The following DNAJC27 variants were observed in gnomAD, a reference collection of about 807,000 sequenced individuals.
DNAJC27 encodes DnaJ heat shock protein family (Hsp40) member C27.
A neutral mutation model predicts 31.4 loss-of-function variants in DNAJC27; 25 were observed. The observed-to-expected ratio is 0.80, with a 90% CI of 0.58 to 1.11. The LOEUF (loss-of-function observed/expected upper bound fraction) is 1.11, where lower values mean the gene tolerates loss of function less well. DNAJC27 is among the 50% of genes most tolerant of loss of function. The probability of loss-of-function intolerance (pLI) is 0.00; values close to 1 mark genes in which losing one functional copy is unlikely to be tolerated. For synonymous variants in DNAJC27, 106 were observed against 112.7 expected (o/e 0.94, Z 0.37); for missense variants, 356 against 347.3 (o/e 1.02, Z -0.20).
chr2:24,951,632 A>G, intron 5 of DNAJC27, 78 bp from the exon 6 acceptor site: 2 of 1,296,494 alleles, frequency 1.5e-6, no homozygotes, highest in Non-Finnish European at 2.1e-6. Context: ...AACTTAAAAG[A>G]CTTTTAATAT....
Position 24,945,051 on chromosome 2 carries a change from G to A in DNAJC27, c.*2565C>T, listed in dbSNP as rs1172293. 14,736 of 152,144 alleles carry A rather than the reference G, an allele frequency of 0.097. 916 individuals carry two copies. The highest frequency in any genetic ancestry group is 0.25 in the East Asian group (1,277 of 5,180). 9.4% of individuals were successfully genotyped at this position (152,144 alleles called of 1,614,324 possible). On this transcript the variant is annotated 3_prime_UTR_variant, in exon 7 of 7. Transcript: ENST00000264711. Reference sequence around the variant, plus strand: ...TAACTGGCTGAAGAATTTTTAATAAGGTTGAACTACAAAGCACACATTTGC... The same window carrying A: ...TAACTGGCTGAAGAATTTTTAATAAAGTTGAACTACAAAGCACACATTTGC...
At chr2:24,949,591 T>C (rs994588252) in intron 6 of DNAJC27, among the ~76,000 whole-genome samples, 1 of 152,230 alleles carries the variant, frequency 6.6e-6, no homozygotes, top group African/African-American at 2.4e-5. Context: ...TTTTCCCAAA[T>C]GTACTTAGTG....
At chr2:24,952,247 G>A (rs1558551146) in intron 5 of DNAJC27, among the ~76,000 whole-genome samples, 1 of 152,132 alleles carries the variant, frequency 6.6e-6, no homozygotes, top group Non-Finnish European at 1.5e-5. Context: ...GGTAACCATT[G>A]TTAATTTTTT....
chr2:24,968,003 G>A (rs866353623), intron 1 of DNAJC27, among the ~76,000 whole-genome samples: 7 of 142,846 alleles, frequency 4.9e-5, no homozygotes, highest in South Asian at 2.2e-4. Context: ...AGTGAGCCAC[G>A]ATGATGCCAC....
At chr2:24,956,588 T>C (rs1161672494) in intron 5 of DNAJC27, among the ~76,000 whole-genome samples, 1 of 152,224 alleles carries the variant, frequency 6.6e-6, no homozygotes, top group Non-Finnish European at 1.5e-5. Context: ...AATGCTTCTA[T>C]CTGATTATGC....
At chr2:24,969,671 G>C (rs1211378215) in intron 1 of DNAJC27, among the ~76,000 whole-genome samples, 1 of 152,100 alleles carries the variant, frequency 6.6e-6, no homozygotes, top group Admixed American at 6.5e-5. Flanking sequence ...TAGAGATGGG[G>C]TTTCACCATG....
chr2:24,944,594 T>C lies in DNAJC27; in HGVS notation c.*3022A>G, dbSNP rs1273131367. 6.6e-6 allele frequency: 1 copy of C among 152,638 alleles called. No individual in the cohort carries two copies. Among genetic ancestry groups the C allele is most frequent in the South Asian group, 2.1e-4 (1 of 4,834 alleles). The allele number at this position is 152,638 out of a possible 1,614,324, so 9.5% of individuals were successfully genotyped here. ...GCCTTAAAGAATGATGTGCAATCTA[T>C]AAAACTGTAGCATTTTCTCTTGGGT... On this transcript the variant is annotated 3_prime_UTR_variant, in exon 7 of 7. Coordinates refer to ENST00000264711, the MANE Select transcript of DNAJC27 (RefSeq NM_016544.3).
intron 3 of DNAJC27, among the ~76,000 whole-genome samples, chr2:24,961,553 T>C (rs1666041596): frequency 6.6e-6 from 1 of 151,940 alleles, no homozygotes; most frequent in African/African-American, 2.4e-5. Flanking sequence ...GCATTCGCCA[T>C]TCTAGATGCC....
chr2:24,957,721 A>G, intron 4 of DNAJC27, 89 bp downstream of exon 4: 2 of 1,236,782 alleles, frequency 1.6e-6, no homozygotes, highest in Admixed American at 4.3e-5. Context: ...ATTACACAAT[A>G]AGGAATTTTT....
chr2:24,968,366 T>G (rs1666240798), intron 1 of DNAJC27, among the ~76,000 whole-genome samples: 1 of 152,206 alleles, frequency 6.6e-6, no homozygotes, highest in Non-Finnish European at 1.5e-5. Flanking sequence ...TTAAAATGCT[T>G]TACCTGTATA....
At chr2:24,959,542 C>T (rs1325489957) in intron 3 of DNAJC27, among the ~76,000 whole-genome samples, 1 of 152,300 alleles carries the variant, frequency 6.6e-6, no homozygotes, top group South Asian at 2.1e-4. Flanking sequence ...AAAGTTCCAA[C>T]TTTCTCAAAT....
At chr2:24,954,665 C>T (rs1046133948) in intron 5 of DNAJC27, among the ~76,000 whole-genome samples, 3 of 152,194 alleles carry the variant, frequency 2.0e-5, no homozygotes, top group Non-Finnish European at 2.9e-5. Flanking sequence ...AGGCTGGGTG[C>T]GGTGGCTCAT....
intron 5 of DNAJC27, among the ~76,000 whole-genome samples, chr2:24,955,711 A>AT (rs1665889569): frequency 6.6e-6 from 1 of 152,218 alleles, no homozygotes; most frequent in African/African-American, 2.4e-5. Flanking sequence ...ACAGAGATTA[A>AT]TAAGAGTCAG....
chr2:24,951,084 C>T (rs1473434889), intron 6 of DNAJC27, among the ~76,000 whole-genome samples: 2 of 152,176 alleles, frequency 1.3e-5, no homozygotes, highest in Non-Finnish European at 2.9e-5. Context: ...CTCTAACATT[C>T]TATGATTGAA....
At chr2:24,964,935 C>T (rs1326704337) in intron 2 of DNAJC27, among the ~76,000 whole-genome samples, 7 of 152,100 alleles carry the variant, frequency 4.6e-5, no homozygotes, top group Non-Finnish European at 8.8e-5. Flanking sequence ...AGGCTGGACG[C>T]GGTGGCTCAC....
At chr2:24,963,347 T>C in intron 3 of DNAJC27, 58 bp downstream of exon 3, 4 of 1,378,760 alleles carry the variant, frequency 2.9e-6, no homozygotes, top group Non-Finnish European at 3.1e-6. Context: ...TAATTCTGGA[T>C]CTCTCCCCAA....
In DNAJC27 at chr2:24,951,682, A is replaced by G. The variant is rs1048578394; in HGVS notation, c.529-128T>C. The G allele has an allele frequency of 5.3e-6, 3 of 563,406 alleles. No homozygotes were observed. The Admixed American group carries it at 1.2e-4, about 23-fold the overall frequency. 34.9% of individuals were successfully genotyped at this position (563,406 alleles called of 1,614,324 possible). On this transcript the variant is annotated intron_variant, in intron 5 of 6. Transcript: ENST00000264711. ...TAGAAGTCATGTATAAAGCAAATAC[A>G]CACTTTGGAAGATTTTTTTCTTTTA...
intron 3 of DNAJC27, chr2:24,963,202 A>G: frequency 2.5e-6 from 1 of 404,364 alleles, no homozygotes. Context: ...ATTGGCAATG[A>G]AATTTCCTAC....
intron 5 of DNAJC27, among the ~76,000 whole-genome samples, chr2:24,956,658 G>T (rs1220921122): frequency 6.6e-6 from 1 of 152,178 alleles, no homozygotes; most frequent in Non-Finnish European, 1.5e-5. Context: ...TCCTGCTTAA[G>T]CAGTGTATAA....
Sources: allele counts gnomAD v4.1 joint callset (sites outside exome capture counted in the v4.1 genomes callset), GRCh38; gene constraint gnomAD v4.1.1; transcripts MANE v1.5; gene names NCBI Gene and HGNC (gene_info 2026-07-23, HGNC 2026-07-21).